The following BMPR1B variants were observed in gnomAD, a reference collection of about 807,000 sequenced individuals.
BMPR1B encodes bone morphogenetic protein receptor type-1B.
BMPR1B carries 12 observed loss-of-function variants against 59.1 expected under a neutral mutation model. The observed-to-expected ratio is 0.20, with a 90% confidence interval of 0.13 to 0.33. BMPR1B has a LOEUF of 0.33. Among genes scored for constraint, BMPR1B ranks in the 10% least tolerant of loss-of-function variants. The pLI is 1.00. For synonymous variants in BMPR1B, 237 were observed against 207.3 expected (o/e 1.14, Z -1.23); for missense variants, 550 against 610.9 (o/e 0.90, Z 1.05).
chr4:94,907,907 A>C (rs1430776534), intron 2 of BMPR1B, among the ~76,000 whole-genome samples: 1 of 151,460 alleles, frequency 6.6e-6, no homozygotes, highest in East Asian at 1.9e-4. Flanking sequence ...GTCTTAAGCC[A>C]GGTGTGGTGG....
At chr4:94,833,219 A>G (rs11937571) in intron 1 of BMPR1B, among the ~76,000 whole-genome samples, 31,342 of 150,846 alleles carry the variant, frequency 0.21, 3,452 homozygotes, top group African/African-American at 0.24. Context: ...AAATGCAGGT[A>G]TAAATAAGTA....
At chr4:94,774,939 A>C (rs1327876807) in intron 1 of BMPR1B, among the ~76,000 whole-genome samples, 1 of 152,106 alleles carries the variant, frequency 6.6e-6, no homozygotes, top group Admixed American at 6.5e-5. Context: ...TTTAAAGTAC[A>C]TGAGGAACCT....
chr4:95,114,573 T>C, intron 4 of BMPR1B, 147 bp from the exon 5 acceptor site: 1 of 783,186 alleles, frequency 1.3e-6, no homozygotes, highest in Non-Finnish European at 2.2e-6. Flanking sequence ...TTGGATTCTC[T>C]TAACAGATCA....
At chr4:94,900,507 C>T (rs1228470130) in intron 2 of BMPR1B, among the ~76,000 whole-genome samples, 10 of 151,886 alleles carry the variant, frequency 6.6e-5, no homozygotes, top group Admixed American at 6.6e-4. Flanking sequence ...AATGCCTAGT[C>T]TCAGCTAAAT....
chr4:94,797,301 T>A (rs1030890097), intron 1 of BMPR1B, among the ~76,000 whole-genome samples: 1 of 152,142 alleles, frequency 6.6e-6, no homozygotes, highest in Non-Finnish European at 1.5e-5. Flanking sequence ...CAATTTGAGA[T>A]TTGGGTGGGG....
chr4:94,856,320 G>A (rs541710487), intron 1 of BMPR1B, among the ~76,000 whole-genome samples: 2 of 152,182 alleles, frequency 1.3e-5, no homozygotes, highest in Non-Finnish European at 2.9e-5. Flanking sequence ...CACTGATGCC[G>A]CCTCCTGACC....
intron 3 of BMPR1B, among the ~76,000 whole-genome samples, chr4:95,041,000 A>G (rs998620571): frequency 1.3e-5 from 2 of 152,160 alleles, no homozygotes; most frequent in African/African-American, 2.4e-5. Context: ...ATTCCTTGGC[A>G]CCTCACTCTC....
intron 3 of BMPR1B, among the ~76,000 whole-genome samples, chr4:95,030,048 T>C (rs1006361081): frequency 2.0e-5 from 3 of 151,696 alleles, no homozygotes; most frequent in Non-Finnish European, 4.4e-5. Flanking sequence ...TGCAAAAATT[T>C]TCTCCCATTT....
chr4:94,931,314 G>A lies in BMPR1B; in HGVS notation c.-113+55414G>A, dbSNP rs1729084376. Among the ~76,000 whole-genome samples, 7 of 152,154 alleles carry A rather than the reference G, an allele frequency of 4.6e-5. No individual in the cohort carries two copies. The South Asian group carries it at 1.5e-3, about 32-fold the overall frequency. ...GCAAAATATTGTCAAAAAATTTAGT[G>A]ACTCCTTTAGACTTTTAAAGTTACA... is the stretch of plus-strand genomic sequence containing the variant. On this transcript the variant is annotated intron_variant, in intron 2 of 12. Transcript: ENST00000515059.
chr4:94,803,195 G>T (rs1723475498), intron 1 of BMPR1B, among the ~76,000 whole-genome samples: 1 of 152,132 alleles, frequency 6.6e-6, no homozygotes, highest in Non-Finnish European at 1.5e-5. Context: ...TTTGGTATTG[G>T]CCTGAACATT....
At chr4:95,097,845 T>C (rs959059190) in intron 3 of BMPR1B, among the ~76,000 whole-genome samples, 1 of 152,162 alleles carries the variant, frequency 6.6e-6, no homozygotes, top group African/African-American at 2.4e-5. Context: ...CTGACTTTCT[T>C]TGGTGAAAAA....
chr4:94,812,190 A>G (rs1043236773), intron 1 of BMPR1B, among the ~76,000 whole-genome samples: 1 of 146,150 alleles, frequency 6.8e-6, no homozygotes, highest in South Asian at 2.1e-4. Flanking sequence ...TCCAAAATTT[A>G]AAGTCAGTTA....
At chr4:94,881,215 C>A (rs1726955734) in intron 2 of BMPR1B, among the ~76,000 whole-genome samples, 2 of 152,202 alleles carry the variant, frequency 1.3e-5, no homozygotes, top group South Asian at 4.2e-4. Flanking sequence ...AGCCCTCAGT[C>A]CTTGGCAACC....
At chr4:94,775,005 C>A (rs138098863) in intron 1 of BMPR1B, among the ~76,000 whole-genome samples, 308 of 152,044 alleles carry the variant, frequency 2.0e-3, no homozygotes, top group African/African-American at 6.5e-3. Context: ...CATTCTGGGA[C>A]ACGAAAAAGG....
intron 1 of BMPR1B, among the ~76,000 whole-genome samples, chr4:94,828,663 A>C (rs1036689569): frequency 1.5e-4 from 23 of 152,044 alleles, no homozygotes; most frequent in African/African-American, 5.3e-4. Context: ...TCCCTTAGAG[A>C]ACATCTATTA....
intron 2 of BMPR1B, among the ~76,000 whole-genome samples, chr4:94,962,338 A>T (rs1037266020): frequency 3.9e-5 from 6 of 152,094 alleles, no homozygotes; most frequent in Non-Finnish European, 8.8e-5. Flanking sequence ...GGGTTTTGCC[A>T]TGTTGGCCAG....
At chr4:94,886,679 T>C (rs1023322844) in intron 2 of BMPR1B, among the ~76,000 whole-genome samples, 1 of 152,168 alleles carries the variant, frequency 6.6e-6, no homozygotes, top group African/African-American at 2.4e-5. Context: ...TATTCAAAAA[T>C]ATACACTCAA....
chr4:94,863,338 A>G (rs60494547), intron 1 of BMPR1B, among the ~76,000 whole-genome samples: 5,752 of 119,216 alleles, frequency 0.048, 352 homozygotes, highest in African/African-American at 0.16. Flanking sequence ...AATAAAAGTT[A>G]AAAGGAAGTT....
At chr4:94,960,149 T>C (rs1309660428) in intron 2 of BMPR1B, among the ~76,000 whole-genome samples, 1 of 152,174 alleles carries the variant, frequency 6.6e-6, no homozygotes, top group Non-Finnish European at 1.5e-5. Flanking sequence ...TGTTTTAAGA[T>C]GGCAGCTTTT....
Sources: gnomAD v4.1 joint callset for allele counts (sites outside exome capture counted in the v4.1 genomes callset) on GRCh38, gnomAD v4.1.1 for gene constraint, MANE v1.5 for transcripts, NCBI Gene and HGNC (gene_info 2026-07-23, HGNC 2026-07-21) for gene names.